ZNF521: variants seen among roughly 807,000 people sequenced by gnomAD.
ZNF521 encodes the protein zinc finger protein 521.
ZNF521 carries 14 observed loss-of-function variants against 105.5 expected under a neutral mutation model. The observed-to-expected ratio is 0.13, with a 90% confidence interval of 0.09 to 0.21. ZNF521 has a LOEUF of 0.21. Among genes scored for constraint, ZNF521 ranks in the 10% least tolerant of loss-of-function variants. ZNF521 has a pLI of 1.00. For synonymous variants in ZNF521, 635 were observed against 606.0 expected (o/e 1.05, Z -0.70); for missense variants, 1,233 against 1,629.7 (o/e 0.76, Z 4.19).
intron 3 of ZNF521, among the ~76,000 whole-genome samples, chr18:25,246,376 G>A (rs942353485): frequency 2.6e-5 from 4 of 152,070 alleles, no homozygotes; most frequent in Non-Finnish European, 4.4e-5. Context: ...GTTTCAGTGC[G>A]TATAACACCA....
intron 3 of ZNF521, among the ~76,000 whole-genome samples, chr18:25,263,607 G>C (rs866613859): frequency 8.0e-5 from 12 of 150,586 alleles, no homozygotes; most frequent in Non-Finnish European, 3.0e-5. Flanking sequence ...ACAGAGTCTC[G>C]CTCTGTCGCC....
rs35980671 is a variant in ZNF521, at chr18:25,135,279, CGTGTGTGTGT to C, written c.3659-43208_3659-43199del. On this transcript the variant is annotated intron_variant, in intron 5 of 7. Coordinates refer to ENST00000361524, the MANE Select transcript of ZNF521 (RefSeq NM_015461.3). ...ACACATACATACATGTATATGTATA[CGTGTGTGTGT>C]GTGTGTGTGTGTGTGTGTGTGTATG... Among the ~76,000 whole-genome samples the C allele has an allele frequency of 4.6e-3, 666 of 146,206 alleles. 6 individuals are homozygous for C. The highest frequency in any genetic ancestry group is 8.2e-3 in the Admixed American group (120 of 14,588).
At chr18:25,273,609 A>C (rs1482300269) in intron 3 of ZNF521, 2 of 152,244 alleles carry the variant, frequency 1.3e-5, no homozygotes, top group Non-Finnish European at 2.9e-5. Flanking sequence ...TAAAAAGGTA[A>C]TAACAATTAC....
intron 3 of ZNF521, among the ~76,000 whole-genome samples, chr18:25,317,378 A>G (rs113133128): frequency 2.0e-5 from 3 of 152,278 alleles, no homozygotes; most frequent in African/African-American, 7.2e-5. Flanking sequence ...CTTCGATTCA[A>G]TTTTATAGAG....
intron 2 of ZNF521, among the ~76,000 whole-genome samples, chr18:25,340,874 T>TA (rs45542940): frequency 0.08 from 12,144 of 152,238 alleles, 652 homozygotes; most frequent in Middle Eastern, 0.18. Context: ...TCGGCAAGTA[T>TA]AAAAAACAGC....
At chr18:25,267,645 A>G (rs1220955586) in intron 3 of ZNF521, among the ~76,000 whole-genome samples, 2 of 152,156 alleles carry the variant, frequency 1.3e-5, no homozygotes, top group Admixed American at 1.3e-4. Context: ...CAGGGTCTGG[A>G]GCGGACCTAT....
intron 3 of ZNF521, 52 bp downstream of exon 3, chr18:25,321,956 A>C: frequency 6.6e-7 from 1 of 1,516,088 alleles, no homozygotes; most frequent in Non-Finnish European, 8.9e-7. Context: ...AAACTGAAAA[A>C]ATCAGAAATA....
intron 3 of ZNF521, among the ~76,000 whole-genome samples, chr18:25,266,310 G>A (rs1356516656): frequency 6.6e-6 from 1 of 152,032 alleles, no homozygotes; most frequent in Non-Finnish European, 1.5e-5. Context: ...CTCCTACTAT[G>A]TACCCACAAA....
intron 5 of ZNF521, among the ~76,000 whole-genome samples, chr18:25,098,546 A>C (rs2144245990): frequency 6.6e-6 from 1 of 152,228 alleles, no homozygotes; most frequent in South Asian, 2.1e-4. Flanking sequence ...TTGTTAGCCA[A>C]GAAAAGAAGA....
At chr18:25,255,980 T>C (rs1012003558) in intron 3 of ZNF521, among the ~76,000 whole-genome samples, 30 of 148,216 alleles carry the variant, frequency 2.0e-4, no homozygotes, top group African/African-American at 7.4e-4. Flanking sequence ...ATATGTTATA[T>C]ACATGGTATA....
At chr18:25,134,107 A>G (rs1329029380) in intron 5 of ZNF521, among the ~76,000 whole-genome samples, 1 of 152,132 alleles carries the variant, frequency 6.6e-6, no homozygotes, top group Middle Eastern at 3.2e-3. Context: ...GGCGGCCTAT[A>G]AACAGCAACT....
intron 5 of ZNF521, among the ~76,000 whole-genome samples, chr18:25,168,235 A>C (rs1013719245): frequency 3.9e-5 from 6 of 152,096 alleles, no homozygotes; most frequent in Admixed American, 3.9e-4. Flanking sequence ...GAGCCTGCTG[A>C]GTGTCTGCTG....
At chr18:25,290,164 C>T (rs1326314523) in intron 3 of ZNF521, among the ~76,000 whole-genome samples, 6 of 152,190 alleles carry the variant, frequency 3.9e-5, no homozygotes, top group Non-Finnish European at 8.8e-5. Flanking sequence ...TGATGAACTG[C>T]ATGCAGTCTG....
intron 3 of ZNF521, among the ~76,000 whole-genome samples, chr18:25,306,995 T>C (rs1912017342): frequency 6.6e-6 from 1 of 152,128 alleles, no homozygotes; most frequent in Non-Finnish European, 1.5e-5. Flanking sequence ...CATTCTAACT[T>C]CCAAACCTGC....
At position 25,136,438 on chromosome 18, in the gene ZNF521, C is replaced by T. The variant is rs557332105; in HGVS notation, c.3659-44357G>A. On this transcript the variant is annotated intron_variant, in intron 5 of 7. Transcript: ENST00000361524. ...ATGTCTAACATGGGTTGGGTAATTA[C>T]TGTTAGGTGCTGCTCTGAGCTCTTT... Among the ~76,000 whole-genome samples, 266 of 152,292 alleles carry T rather than the reference C, an allele frequency of 1.7e-3. 1 individual carries two copies. Among genetic ancestry groups the T allele is most frequent in the Non-Finnish European group, 1.7e-3 (119 of 68,016 alleles).
chr18:25,139,372 C>CAAAAAAAAAAAAAAAAAAAAAAAAAAAA (rs36175281), intron 5 of ZNF521, among the ~76,000 whole-genome samples: 7 of 51,388 alleles, frequency 1.4e-4, no homozygotes, highest in Non-Finnish European at 2.0e-4. Context: ...GACTCTGTCT[C>CAAAAAAAAAAAAAAAAAAAAAAAAAAAA]AAAAAAAAAA....
intron 5 of ZNF521, among the ~76,000 whole-genome samples, chr18:25,116,946 CATATATAT>C (rs1291552586): frequency 1.4e-5 from 2 of 138,950 alleles, no homozygotes; most frequent in East Asian, 4.1e-4. Flanking sequence ...TATATATACA[CATATATAT>C]GTATATATGT....
At chr18:25,212,880 TA>T (rs1236204985) in intron 4 of ZNF521, among the ~76,000 whole-genome samples, 3 of 151,528 alleles carry the variant, frequency 2.0e-5, no homozygotes, top group African/African-American at 7.3e-5. Flanking sequence ...CCAGTTGACT[TA>T]AATGTGTTGA....
chr18:25,210,426 G>C (rs1047539100), intron 4 of ZNF521, among the ~76,000 whole-genome samples: 7 of 152,016 alleles, frequency 4.6e-5, no homozygotes, highest in African/African-American at 1.7e-4. Flanking sequence ...AAAATTTACA[G>C]ACTCAGTTAA....
Sources: gnomAD v4.1 joint callset for allele counts (sites outside exome capture counted in the v4.1 genomes callset) on GRCh38, gnomAD v4.1.1 for gene constraint, MANE v1.5 for transcripts, NCBI Gene and HGNC (gene_info 2026-07-23, HGNC 2026-07-21) for gene names.